Variants in SYNE2 observed in about 807,000 individuals in gnomAD.
SYNE2 encodes the protein nesprin-2.
In SYNE2, 431 loss-of-function variants were observed where a neutral mutation model predicts 856.3. That is an observed-to-expected ratio of 0.50 (90% CI 0.47 to 0.55). SYNE2 has a LOEUF of 0.55. SYNE2 is among the 20% of genes least tolerant of loss of function. The pLI, the probability that SYNE2 is intolerant of heterozygous loss-of-function variation, is 0.00. For missense variants in SYNE2, 8,129 were observed against 8,023.2 expected (o/e 1.01, Z -0.50); for synonymous variants, 2,923 against 2,872.3 (o/e 1.02, Z -0.56).
chr14:64,048,992 A>T (rs150330508), intron 46 of SYNE2: 37 of 152,206 alleles, frequency 2.4e-4, no homozygotes, highest in African/African-American at 8.7e-4. Context: ...CATCTAAAAT[A>T]GGAAAGATGG....
rs551876483 is a variant in SYNE2, at chr14:64,149,520, C to T, written c.15640-3044C>T. On this transcript the variant is annotated intron_variant, in intron 84 of 115. Coordinates refer to ENST00000555002, the MANE Select transcript of SYNE2 (RefSeq NM_182914.3). Reference sequence around the variant, plus strand: ...GCCATTGATGACTGGAAAAAGGCCACGTTTGACATATTATAATTATCAAGG... The same window carrying T: ...GCCATTGATGACTGGAAAAAGGCCATGTTTGACATATTATAATTATCAAGG... Among the ~76,000 whole-genome samples, 11 of 152,142 alleles carry T rather than the reference C, an allele frequency of 7.2e-5. No individual in the cohort carries two copies. In the South Asian group the frequency reaches 1.9e-3, roughly 26 times the overall value.
At chr14:64,056,982 C>CT (rs914968856) in intron 49 of SYNE2, among the ~76,000 whole-genome samples, 10 of 151,324 alleles carry the variant, frequency 6.6e-5, no homozygotes, top group Admixed American at 1.3e-4. Context: ...TCTGTTATTT[C>CT]TTTTTTTTAA....
intron 109 of SYNE2, 60 bp downstream of exon 109, chr14:64,218,572 C>T: frequency 6.6e-7 from 1 of 1,506,280 alleles, no homozygotes; most frequent in Non-Finnish European, 9.2e-7. Flanking sequence ...AGTCCTTGCT[C>T]AAGAGAACAT....
chr14:64,101,933 A>G lies in SYNE2; in HGVS notation c.12383A>G (p.Asn4128Ser), dbSNP rs776778290. 1 of 1,611,258 alleles carries G rather than the reference A, an allele frequency of 6.2e-7. No homozygotes were observed. The highest frequency in any genetic ancestry group is 8.5e-7 in the Non-Finnish European group (1 of 1,177,410). Residue 4128 changes from asparagine (N) to serine (S), a missense_variant and splice_region_variant, in exon 64 of 116, where the codon AAT becomes AGT. Physicochemically the swap from Asn to Ser is conservative, Grantham distance 46. Coordinates refer to ENST00000555002, the MANE Select transcript of SYNE2 (RefSeq NM_182914.3). ...CTAACCAATCGTTTACTGTGATAGA[A>G]TGGAGATGAGAAGGCAGAGCCATCG... The part of the protein sequence containing the change: ...EVEESSVKSD[N>S]GDEKAEPSPQ...
intron 1 of SYNE2, among the ~76,000 whole-genome samples, chr14:63,884,303 C>T (rs1339601710): frequency 6.6e-6 from 1 of 152,122 alleles, no homozygotes; most frequent in Admixed American, 6.5e-5. Flanking sequence ...CTTCTGAAGA[C>T]AGAAAAACTA....
intron 96 of SYNE2, among the ~76,000 whole-genome samples, chr14:64,179,851 G>A (rs1453618400): frequency 1.3e-5 from 2 of 151,840 alleles, no homozygotes; most frequent in Non-Finnish European, 2.9e-5. Context: ...CGTTTTCCTT[G>A]GTATTGCTGG....
At chr14:64,066,317 G>T (rs2097358283) in intron 51 of SYNE2, among the ~76,000 whole-genome samples, 1 of 151,984 alleles carries the variant, frequency 6.6e-6, no homozygotes, top group South Asian at 2.1e-4. Flanking sequence ...CCAGGCAATG[G>T]AGTGAACCCC....
intron 1 of SYNE2, among the ~76,000 whole-genome samples, chr14:63,837,305 C>A (rs1889890832): frequency 6.6e-6 from 1 of 152,154 alleles, no homozygotes; most frequent in African/African-American, 2.4e-5. Flanking sequence ...GAAAGTGGAT[C>A]ATTGACCTAA....
chr14:64,030,403 G>C (rs1021359272), intron 44 of SYNE2, among the ~76,000 whole-genome samples: 1 of 152,194 alleles, frequency 6.6e-6, no homozygotes, highest in Non-Finnish European at 1.5e-5. Flanking sequence ...AATGCTTCTT[G>C]TGTAGCCCAT....
rs1160491004 is a variant in SYNE2, at chr14:64,065,513, A to C, written c.10294A>C (p.Thr3432Pro). Residue 3432 changes from threonine to proline, a missense_variant, in exon 51 of 116, where the codon ACA becomes CCA. Coordinates refer to ENST00000555002, the MANE Select transcript of SYNE2 (RefSeq NM_182914.3). ...CCTTAGACTCTTGAGACTCAGGTGC[A>C]CAGAAAATGATGGCATATGTTTGCT... is the stretch of plus-strand genomic sequence containing the variant. ...QILRLLRLRC[T>P]ENDGICLLKI... The C allele has an allele frequency of 4.3e-6, 7 of 1,614,014 alleles. No individual in the cohort carries two copies. The highest frequency in any genetic ancestry group is 1.7e-6 in the Non-Finnish European group (2 of 1,180,044).
chr14:63,831,549 C>CT (rs1211983068), intron 1 of SYNE2, among the ~76,000 whole-genome samples: 2,158 of 69,560 alleles, frequency 0.031, 118 homozygotes, highest in South Asian at 0.043. Context: ...AATGTTCATT[C>CT]TTTTTTTTTT....
At chr14:63,833,559 G>A (rs1320525899) in intron 1 of SYNE2, among the ~76,000 whole-genome samples, 1 of 152,136 alleles carries the variant, frequency 6.6e-6, no homozygotes, top group African/African-American at 2.4e-5. Flanking sequence ...CTAAGTTCTA[G>A]CACCTCTTCT....
At chr14:64,136,656 G>A (rs551353610) in intron 78 of SYNE2, among the ~76,000 whole-genome samples, 7 of 152,160 alleles carry the variant, frequency 4.6e-5, no homozygotes, top group South Asian at 2.1e-4. Flanking sequence ...TTTTCTTTCC[G>A]TGAAGTTGGA....
At chr14:64,168,790 A>G (rs1338258841) in intron 92 of SYNE2, 87 bp from the exon 93 acceptor site, 1 of 937,910 alleles carries the variant, frequency 1.1e-6, no homozygotes, top group African/African-American at 1.6e-5. Flanking sequence ...ATCCTTTGTA[A>G]GCTTAGATTT....
At chr14:63,951,484 TAG>T (rs1482552004) in intron 7 of SYNE2, among the ~76,000 whole-genome samples, 2 of 152,060 alleles carry the variant, frequency 1.3e-5, no homozygotes, top group African/African-American at 4.8e-5. Context: ...GTATTTTTAG[TAG>T]AGATGAGGTT....
intron 99 of SYNE2, among the ~76,000 whole-genome samples, chr14:64,201,021 A>C (rs1194585550): frequency 1.3e-5 from 2 of 152,086 alleles, no homozygotes; most frequent in African/African-American, 2.4e-5. Flanking sequence ...TCCAGCATTC[A>C]CTCTGTGCAG....
intron 84 of SYNE2, among the ~76,000 whole-genome samples, chr14:64,147,026 C>G (rs2098193612): frequency 6.6e-6 from 1 of 152,248 alleles, no homozygotes; most frequent in Non-Finnish European, 1.5e-5. Flanking sequence ...AATGAGCCAT[C>G]TCCACTTTAG....
At chr14:63,845,042 C>T (rs983808525) in intron 1 of SYNE2, among the ~76,000 whole-genome samples, 3 of 151,972 alleles carry the variant, frequency 2.0e-5, no homozygotes, top group Non-Finnish European at 2.9e-5. Flanking sequence ...TTTATTTTTT[C>T]TAGTAAAATA....
intron 79 of SYNE2, among the ~76,000 whole-genome samples, chr14:64,139,414 A>AT (rs563352003): frequency 4.4e-4 from 63 of 144,654 alleles, no homozygotes; most frequent in African/African-American, 9.2e-4. Context: ...TATTATTATT[A>AT]TTTTTTTTTT....
Sources: gnomAD v4.1 joint callset for allele counts (sites outside exome capture counted in the v4.1 genomes callset) on GRCh38, gnomAD v4.1.1 for gene constraint, MANE v1.5 for transcripts, NCBI Gene and HGNC (gene_info 2026-07-23, HGNC 2026-07-21) for gene names.